The following CTNNA2 variants were observed in gnomAD, a reference collection of about 807,000 sequenced individuals.
CTNNA2 encodes the protein catenin alpha-2.
CTNNA2 carries 42 observed loss-of-function variants against 101.0 expected under a neutral mutation model. The ratio of observed to expected loss-of-function variants is 0.42; its 90% confidence interval spans 0.32 to 0.54. The LOEUF (loss-of-function observed/expected upper bound fraction) is 0.54. Ranked by LOEUF, CTNNA2 falls within the 20% of genes least tolerant of loss-of-function variation. The pLI is 0.14. For missense variants in CTNNA2, 871 were observed against 1,223.1 expected (o/e 0.71, Z 4.29); for synonymous variants, 450 against 456.4 (o/e 0.99, Z 0.18).
chr2:80,580,707 A>G (rs1279912266), intron 13 of CTNNA2, among the ~76,000 whole-genome samples: 1 of 152,160 alleles, frequency 6.6e-6, no homozygotes, highest in African/African-American at 2.4e-5. Context: ...GAATGAATTG[A>G]TTTAAAAATC....
intron 2 of CTNNA2, among the ~76,000 whole-genome samples, chr2:79,311,408 C>CAAAAAAAAAAAAAAAAA (rs753633073): frequency 6.0e-5 from 4 of 67,060 alleles, no homozygotes; most frequent in African/African-American, 2.1e-4. Context: ...GACTCCGTCT[C>CAAAAAAAAAAAAAAAAA]AAAAAAAAAA....
chr2:79,207,508 T>C (rs1159725559), intron 2 of CTNNA2, among the ~76,000 whole-genome samples: 1 of 152,182 alleles, frequency 6.6e-6, no homozygotes, highest in Non-Finnish European at 1.5e-5. Context: ...TTTAAATCTG[T>C]AGCCCAAATT....
At chr2:80,205,170 C>T (rs936761966) in intron 7 of CTNNA2, among the ~76,000 whole-genome samples, 1 of 152,154 alleles carries the variant, frequency 6.6e-6, no homozygotes, top group Admixed American at 6.5e-5. Flanking sequence ...GGCTTTCTGA[C>T]ATCCTGGACA....
At chr2:79,927,538 A>G (rs1189502867) in intron 7 of CTNNA2, among the ~76,000 whole-genome samples, 1 of 152,208 alleles carries the variant, frequency 6.6e-6, no homozygotes, top group Non-Finnish European at 1.5e-5. Context: ...ACAAGAAGAT[A>G]GATGGGAGAA....
chr2:79,264,124 A>T (rs1434185), intron 2 of CTNNA2, among the ~76,000 whole-genome samples: 91,583 of 151,844 alleles, frequency 0.6, 27,815 homozygotes, highest in African/African-American at 0.62. Flanking sequence ...AAATAATATA[A>T]CTGGAATGAA....
chr2:79,819,550 T>C (rs1677845069), intron 3 of CTNNA2, among the ~76,000 whole-genome samples: 2 of 152,206 alleles, frequency 1.3e-5, no homozygotes. Flanking sequence ...TGAATGTTTG[T>C]ATGTGTGTTA....
At chr2:80,271,399 A>C (rs1673460354) in intron 7 of CTNNA2, among the ~76,000 whole-genome samples, 1 of 150,032 alleles carries the variant, frequency 6.7e-6, no homozygotes, top group African/African-American at 2.5e-5. Flanking sequence ...TACCACATTG[A>C]CCAAGCTTCT....
chr2:79,317,567 T>C (rs1676526319), intron 3 of CTNNA2, among the ~76,000 whole-genome samples: 1 of 152,064 alleles, frequency 6.6e-6, no homozygotes. Flanking sequence ...ACTCCTTTCA[T>C]CAGAGTGTTC....
chr2:80,313,457 ATAT>A, intron 7 of CTNNA2: 1 of 1,515,796 alleles, frequency 6.6e-7, no homozygotes, highest in Non-Finnish European at 8.8e-7. Flanking sequence ...TAACAAACCA[ATAT>A]TATTCATGCT....
intron 2 of CTNNA2, among the ~76,000 whole-genome samples, chr2:79,238,793 T>A (rs943147920): frequency 1.3e-5 from 2 of 152,212 alleles, no homozygotes; most frequent in African/African-American, 4.8e-5. Flanking sequence ...ACAAAACCAC[T>A]GTGACTTAGG....
At chr2:79,264,622 G>A (rs186924362) in intron 2 of CTNNA2, among the ~76,000 whole-genome samples, 17 of 152,218 alleles carry the variant, frequency 1.1e-4, no homozygotes, top group South Asian at 4.2e-4. Flanking sequence ...CTTCAAAGCC[G>A]TAGAACAAAA....
At chr2:79,306,338 A>C (rs181756668) in intron 2 of CTNNA2, among the ~76,000 whole-genome samples, 1 of 152,286 alleles carries the variant, frequency 6.6e-6, no homozygotes, top group Admixed American at 6.5e-5. Flanking sequence ...TATATTTGAA[A>C]ATTACTAAAT....
intron 2 of CTNNA2, among the ~76,000 whole-genome samples, chr2:79,208,559 G>T (rs1674129783): frequency 6.6e-6 from 1 of 152,194 alleles, no homozygotes; most frequent in Admixed American, 6.5e-5. Context: ...AGGCTCTGTG[G>T]CTAACTGGCT....
In CTNNA2 at chr2:79,372,652, G is replaced by A. The variant is rs578130743; in HGVS notation, c.-317-1179G>A. Among the ~76,000 whole-genome samples, 10 of 152,290 alleles carry A rather than the reference G, an allele frequency of 6.6e-5. 1 individual carries two copies. In the South Asian group the frequency reaches 2.1e-3, roughly 32 times the overall value. On this transcript the variant is annotated intron_variant, in intron 3 of 21. Coordinates refer to the CTNNA2 transcript ENST00000466387. ...GGGGACAGGGGAGAAGCAACACAAA[G>A]GGCTGTTTTTCAGGACAGATCCCTT...
chr2:79,510,915 G>A (rs976120246), upstream of CTNNA2, among the ~76,000 whole-genome samples: 6 of 151,970 alleles, frequency 3.9e-5, no homozygotes, highest in Admixed American at 1.3e-4. Context: ...TTCTTTTGTG[G>A]TCTACATTAT....
At chr2:79,885,200 C>T (rs959175992) in intron 6 of CTNNA2, among the ~76,000 whole-genome samples, 4 of 151,896 alleles carry the variant, frequency 2.6e-5, no homozygotes, top group Middle Eastern at 3.2e-3. Context: ...CAGTGGAGAA[C>T]GAAACGCTGT....
At chr2:79,690,464 G>A (rs1158768900) in intron 2 of CTNNA2, among the ~76,000 whole-genome samples, 17 of 151,990 alleles carry the variant, frequency 1.1e-4, no homozygotes, top group Non-Finnish European at 7.4e-5. Flanking sequence ...CAAAGGACAT[G>A]AACTCATTCT....
intron 7 of CTNNA2, among the ~76,000 whole-genome samples, chr2:80,319,706 C>T (rs138444685): frequency 4.8e-4 from 73 of 152,238 alleles, no homozygotes; most frequent in Middle Eastern, 3.4e-3. Flanking sequence ...CACCTAGCAC[C>T]CCATCCCAGG....
rs190870053 is a variant in CTNNA2, at chr2:79,615,395, T to C, written c.-5-36157T>C. Among the ~76,000 whole-genome samples, 662 of 152,314 alleles carry C rather than the reference T, an allele frequency of 4.3e-3. 5 individuals carry two copies. The highest frequency in any genetic ancestry group is 0.015 in the African/African-American group (631 of 41,578). On this transcript the variant is annotated intron_variant, in intron 1 of 18. Coordinates refer to ENST00000402739, the MANE Select transcript of CTNNA2 (RefSeq NM_001282597.3). ...ATATGACTAAAAAAGTTAGCCTTTC[T>C]ACACAAACAAATTAAGAGTTTATAA... is the stretch of plus-strand genomic sequence containing the variant.
Sources: allele counts gnomAD v4.1 joint callset (sites outside exome capture counted in the v4.1 genomes callset), GRCh38; gene constraint gnomAD v4.1.1; transcripts MANE v1.5; gene names NCBI Gene and HGNC (gene_info 2026-07-23, HGNC 2026-07-21).